Variants in TCTN2 observed in about 807,000 individuals in gnomAD.
TCTN2 encodes the protein tectonic-2.
TCTN2 carries 66 observed loss-of-function variants against 83.4 expected under a neutral mutation model. The ratio of observed to expected loss-of-function variants is 0.79; its 90% CI spans 0.65 to 0.97. The LOEUF is 0.97. Ranked by LOEUF, TCTN2 falls within the 50% of genes least tolerant of loss-of-function variation. TCTN2 has a pLI of 0.00. For synonymous variants in TCTN2, 301 were observed against 326.7 expected (o/e 0.92, Z 0.85); for missense variants, 794 against 858.1 (o/e 0.93, Z 0.93).
intron 5 of TCTN2, among the ~76,000 whole-genome samples, chr12:123,684,383 C>T (rs1955937245): frequency 6.7e-6 from 1 of 149,972 alleles, no homozygotes; most frequent in South Asian, 2.1e-4. Context: ...TTAGGGTCTG[C>T]ATTAATATTG....
At chr12:123,696,628 C>T in intron 12 of TCTN2, 133 bp downstream of exon 12, 2 of 799,568 alleles carry the variant, frequency 2.5e-6, no homozygotes, top group East Asian at 2.6e-5. Flanking sequence ...GTACATGCTG[C>T]TGAATAACAG....
chr12:123,673,108 C>A (rs1032291204), intron 3 of TCTN2, among the ~76,000 whole-genome samples: 14 of 152,064 alleles, frequency 9.2e-5, no homozygotes, highest in African/African-American at 3.4e-4. Context: ...TGTAAGGATA[C>A]TCAAACCTGG....
Position 123,673,636 on chromosome 12 carries a change from A to G in TCTN2, c.289A>G (p.Arg97Gly), listed in dbSNP as rs1226080375. ...PGAKVLEVTV[R>G]WKRGLDWCSS... ...TCAGAAGGTGTTGGAAGTGACAGTGAGGTGGAAGAGAGGTCTGGACTGGTG... is the reference window on the plus strand; with the variant it reads ...TCAGAAGGTGTTGGAAGTGACAGTGGGGTGGAAGAGAGGTCTGGACTGGTG... Residue 97 changes from arginine (R) to glycine (G), a missense_variant, in exon 4 of 18, where the codon AGG becomes GGG. Coordinates refer to ENST00000303372, the MANE Select transcript of TCTN2 (RefSeq NM_024809.5). The G allele has an allele frequency of 1.4e-5, 23 of 1,614,096 alleles. No individual in the cohort carries two copies. The East Asian group carries it at 3.8e-4, about 27-fold the overall frequency.
rs2135864845 is a variant in TCTN2 at position 123,708,159 on chromosome 12, C to T, written c.*446C>T. 2 of 194,132 alleles carry T rather than the reference C, an allele frequency of 1.0e-5. No homozygotes were observed. Among genetic ancestry groups the T allele is most frequent in the South Asian group, 1.9e-4 (2 of 10,542 alleles). 12.0% of individuals were successfully genotyped at this position (194,132 alleles called of 1,614,324 possible). On this transcript the variant is annotated 3_prime_UTR_variant, in exon 18 of 18. Transcript: ENST00000303372. ...TGGGACCACAGATGCTCCACCATGC[C>T]TGGCTGTATTTTTGGTAAAGACGGG...
chr12:123,688,017 C>G (rs775201158), intron 6 of TCTN2, 34 bp from the exon 7 acceptor site: 4 of 1,612,390 alleles, frequency 2.5e-6, no homozygotes, highest in Non-Finnish European at 3.4e-6. Flanking sequence ...TAGCAGATAA[C>G]TGAAACTATT....
intron 7 of TCTN2, among the ~76,000 whole-genome samples, chr12:123,688,976 G>A (rs1593850159): frequency 1.3e-5 from 2 of 151,506 alleles, no homozygotes; most frequent in African/African-American, 2.4e-5. Context: ...GGCTGGTCTC[G>A]AATTCCTGAC....
Position 123,697,056 on chromosome 12 carries a change from G to T in TCTN2, c.1394-31G>T, listed in dbSNP as rs538983273. ...AATCTTTACTTTTGTTTAGCAAAAAGTAGCAAGAGGATAATCTTTTTCTTT... is the reference window on the plus strand; with the variant it reads ...AATCTTTACTTTTGTTTAGCAAAAATTAGCAAGAGGATAATCTTTTTCTTT... On this transcript the variant is annotated intron_variant, in intron 12 of 17. Transcript: ENST00000303372. 38 of 1,551,754 alleles carry T rather than the reference G, an allele frequency of 2.4e-5. No individual in the cohort carries two copies. The African/African-American group carries it at 3.9e-4, about 16-fold the overall frequency.
chr12:123,692,661 T>G lies in TCTN2; in HGVS notation c.1037T>G (p.Ile346Arg). ...TTAATTTATGTTATCTCTTTAGGCA[T>G]AGTTACACCAAAAGTGATCTATGAG... ...AKIKNVALGG[I>R]VTPKVIYEEA... Residue 346 changes from isoleucine (I) to arginine (R), a missense_variant, in exon 9 of 18, where the codon ATA becomes AGA. Ile to Arg is a moderately conservative substitution (Grantham distance 97). Coordinates refer to ENST00000303372, the MANE Select transcript of TCTN2 (RefSeq NM_024809.5). 3 of 1,612,582 alleles carry G rather than the reference T, an allele frequency of 1.9e-6. No homozygotes were observed. Among genetic ancestry groups the G allele is most frequent in the Non-Finnish European group, 2.5e-6 (3 of 1,178,596 alleles).
At chr12:123,703,887 T>G (rs74320784) in intron 14 of TCTN2, among the ~76,000 whole-genome samples, 2,305 of 152,298 alleles carry the variant, frequency 0.015, 49 homozygotes, top group African/African-American at 0.053. Context: ...TTATATATGT[T>G]TCTGTTAAAA....
intron 4 of TCTN2, among the ~76,000 whole-genome samples, chr12:123,677,537 G>A (rs1376723613): frequency 6.6e-6 from 1 of 152,198 alleles, no homozygotes; most frequent in Non-Finnish European, 1.5e-5. Context: ...TTCTGAGTTA[G>A]GAGGCTGAAA....
At chr12:123,696,370 A>C in intron 11 of TCTN2, 45 bp from the exon 12 acceptor site, 1 of 1,489,546 alleles carries the variant, frequency 6.7e-7, no homozygotes, top group Non-Finnish European at 9.4e-7. Context: ...AGGGCTTGCT[A>C]TGCTGGAGGA....
Position 123,706,800 on chromosome 12 carries a change from C to A in TCTN2, c.1844C>A (p.Ala615Glu). Reference sequence around the variant, plus strand: ...AAGGCCGACCTTCTCCCTATCAGTGCATCCGTCCAGTTTATTAAAATTCCT... The same window carrying A: ...AAGGCCGACCTTCTCCCTATCAGTGAATCCGTCCAGTTTATTAAAATTCCT... ...EHKADLLPIS[A>E]SVQFIKIPAQ... The change falls in exon 16 of 18, where the codon GCA (alanine) becomes GAA (glutamate). Residue 615 changes from alanine (A) to glutamate (E), a missense_variant. By Grantham distance (107) the Ala-to-Glu change is moderately radical (BLOSUM62 -1). Coordinates refer to ENST00000303372, the MANE Select transcript of TCTN2 (RefSeq NM_024809.5). The A allele has an allele frequency of 1.9e-6, 3 of 1,614,204 alleles. 1 individual carries two copies. Among genetic ancestry groups the A allele is most frequent in the Non-Finnish European group, 2.5e-6 (3 of 1,180,038 alleles).
rs79251326 is a variant in TCTN2, at chr12:123,686,870, G to A, written c.599G>A (p.Arg200Gln). ...CSSNLTTLFRRSCFTGVFGGD... is the reference protein window; with the variant it reads ...CSSNLTTLFRQSCFTGVFGGD... ...TCAAATTTAACAACGCTGTTCAGAC[G>A]GTCCTGCTTCACCGGCGTGTTTGGA... The change falls in exon 6 of 18, where the codon CGG (arginine) becomes CAG (glutamine). Residue 200 changes from arginine to glutamine, a missense_variant. By Grantham distance (43) the Arg-to-Gln change is conservative. Transcript: ENST00000303372. The A allele has an allele frequency of 0.012, 19,202 of 1,614,156 alleles. 161 individuals carry two copies. Among genetic ancestry groups the A allele is most frequent in the Non-Finnish European group, 0.014 (16,005 of 1,180,038 alleles).
intron 8 of TCTN2, among the ~76,000 whole-genome samples, chr12:123,691,986 C>T (rs1400529651): frequency 2.0e-5 from 3 of 152,134 alleles, no homozygotes; most frequent in Non-Finnish European, 1.5e-5. Flanking sequence ...CCTCCACCTC[C>T]TGGGTTCAAG....
intron 7 of TCTN2, among the ~76,000 whole-genome samples, chr12:123,689,268 G>A (rs1000124903): frequency 6.6e-6 from 1 of 151,842 alleles, no homozygotes; most frequent in Non-Finnish European, 1.5e-5. Flanking sequence ...TGCCCAGGCT[G>A]GTCTTTTTAA....
intron 5 of TCTN2, among the ~76,000 whole-genome samples, chr12:123,685,084 A>G (rs149101969): frequency 9.3e-5 from 14 of 151,068 alleles, no homozygotes; most frequent in Non-Finnish European, 1.8e-4. Flanking sequence ...TACATCATAC[A>G]TTTGGCTCAG....
At chr12:123,696,922 C>G (rs1183015061) in intron 12 of TCTN2, 165 bp from the exon 13 acceptor site, 5 of 628,872 alleles carry the variant, frequency 8.0e-6, no homozygotes, top group African/African-American at 1.8e-5. Flanking sequence ...CTGATAAAGG[C>G]ACCTTTGTTC....
At chr12:123,690,453 C>A (rs752831861) in intron 7 of TCTN2, 80 bp from the exon 8 acceptor site, 3 of 1,597,024 alleles carry the variant, frequency 1.9e-6, no homozygotes, top group South Asian at 1.1e-5. Context: ...TGCAGAAAGA[C>A]CAGTTTTAAG....
At chr12:123,681,830 A>G (rs1955903190) in intron 5 of TCTN2, among the ~76,000 whole-genome samples, 1 of 152,134 alleles carries the variant, frequency 6.6e-6, no homozygotes, top group Non-Finnish European at 1.5e-5. Flanking sequence ...AAGCAGTTGC[A>G]TCATTTTAAA....
Sources: gnomAD v4.1 joint callset for allele counts (sites outside exome capture counted in the v4.1 genomes callset) on GRCh38, gnomAD v4.1.1 for gene constraint, MANE v1.5 for transcripts, NCBI Gene and HGNC (gene_info 2026-07-23, HGNC 2026-07-21) for gene names.